The following ARHGAP12 variants were observed in gnomAD, a reference collection of about 807,000 sequenced individuals.
ARHGAP12 encodes the protein Rho GTPase activating protein 12.
In ARHGAP12, 64 loss-of-function variants were observed where a neutral mutation model predicts 108.6. That is an observed-to-expected ratio of 0.59 (90% CI 0.48 to 0.73). The LOEUF is 0.73. Ranked by LOEUF, ARHGAP12 falls within the 30% of genes least tolerant of loss-of-function variation. The pLI, the probability that ARHGAP12 is intolerant of heterozygous loss-of-function variation, is 0.00. For synonymous variants in ARHGAP12, 312 were observed against 337.2 expected (o/e 0.93, Z 0.82); for missense variants, 940 against 1,005.9 (o/e 0.93, Z 0.89).
chr10:31,914,929 T>C (rs370594646), intron 1 of ARHGAP12, among the ~76,000 whole-genome samples: 1 of 152,166 alleles, frequency 6.6e-6, no homozygotes, highest in African/African-American at 2.4e-5. Context: ...CATACACACA[T>C]ACACACAACA....
intron 13 of ARHGAP12, among the ~76,000 whole-genome samples, chr10:31,815,045 T>C (rs1359778564): frequency 1.4e-5 from 2 of 147,374 alleles, no homozygotes; most frequent in East Asian, 2.0e-4. Flanking sequence ...GGCGTGAACC[T>C]GGGAGGCAGA....
Position 31,812,768 on chromosome 10 carries a change from T to C in ARHGAP12, c.1890A>G (p.Leu630=), listed in dbSNP as rs1427558853. 2 of 1,609,660 alleles carry C rather than the reference T, an allele frequency of 1.2e-6. No homozygotes were observed. The highest frequency in any genetic ancestry group is 1.7e-6 in the Non-Finnish European group (2 of 1,178,866). The change falls in exon 15 of 20, where the codon TTA becomes TTG. Residue 630 remains leucine (L), a synonymous_variant. Transcript: ENST00000344936. ...SSEQKKTKKN[L]KKFLTRRPTL... ...TGGGGCGTCGTGTAAGAAACTTCTT[T>C]AAGTTTTTCTTGGTTTTTTTCTGTT...
intron 3 of ARHGAP12, among the ~76,000 whole-genome samples, chr10:31,873,202 G>A (rs1202553553): frequency 6.6e-6 from 1 of 152,090 alleles, no homozygotes; most frequent in Non-Finnish European, 1.5e-5. Flanking sequence ...CATATAATCA[G>A]CACGCAAATT....
chr10:31,818,644 T>C (rs962226534), intron 12 of ARHGAP12, among the ~76,000 whole-genome samples: 2 of 152,140 alleles, frequency 1.3e-5, no homozygotes, highest in Non-Finnish European at 2.9e-5. Context: ...CTGAAAAACA[T>C]AGTCCTCAAA....
intron 1 of ARHGAP12, among the ~76,000 whole-genome samples, chr10:31,914,537 A>C (rs1293293444): frequency 2.0e-5 from 3 of 152,214 alleles, no homozygotes; most frequent in Non-Finnish European, 4.4e-5. Context: ...CAATAAGTGT[A>C]AGAAAAAAAT....
In ARHGAP12 at chr10:31,906,142, C is replaced by T. The variant is rs544701291; in HGVS notation, c.684+2030G>A. Reference sequence around the variant, plus strand: ...CCATGAAGAGGCCCAACTAGCCCCACGTGAGTGAACCATCTTCAGAAGCAG... The same window carrying T: ...CCATGAAGAGGCCCAACTAGCCCCATGTGAGTGAACCATCTTCAGAAGCAG... On this transcript the variant is annotated intron_variant, in intron 3 of 19. Transcript: ENST00000344936. 8.5e-5 allele frequency among the ~76,000 whole-genome samples: 13 copies of T among 152,298 alleles called. No homozygotes were observed. The East Asian group carries it at 1.5e-3, about 18-fold the overall frequency.
At chr10:31,826,638 G>A (rs1409198675) in intron 10 of ARHGAP12, 13 of 350,846 alleles carry the variant, frequency 3.7e-5, no homozygotes, top group South Asian at 1.3e-4. Context: ...AATGAATGAC[G>A]CATGTAATTA....
intron 3 of ARHGAP12, among the ~76,000 whole-genome samples, chr10:31,889,102 G>C (rs537193119): frequency 6.6e-6 from 1 of 152,174 alleles, no homozygotes; most frequent in Admixed American, 6.5e-5. Flanking sequence ...AGTAGAGACA[G>C]GGTTTCGCCA....
At chr10:31,840,760 C>T (rs1308686893) in intron 7 of ARHGAP12, among the ~76,000 whole-genome samples, 1 of 152,030 alleles carries the variant, frequency 6.6e-6, no homozygotes, top group Non-Finnish European at 1.5e-5. Flanking sequence ...GGGTTTATAT[C>T]CCACACAATT....
intron 4 of ARHGAP12, among the ~76,000 whole-genome samples, chr10:31,859,819 G>A (rs1308823493): frequency 6.9e-6 from 1 of 145,730 alleles, no homozygotes; most frequent in African/African-American, 2.5e-5. Flanking sequence ...TTTTGAGATA[G>A]AGTCTCACTC....
chr10:31,928,073 G>A (rs1193396952), intron 1 of ARHGAP12, among the ~76,000 whole-genome samples: 2 of 152,200 alleles, frequency 1.3e-5, no homozygotes, highest in African/African-American at 4.8e-5. Flanking sequence ...CGCCCCAGGT[G>A]GATTCCCCGG....
chr10:31,865,119 C>A (rs984149752), intron 3 of ARHGAP12, among the ~76,000 whole-genome samples: 6 of 152,152 alleles, frequency 3.9e-5, no homozygotes, highest in Non-Finnish European at 8.8e-5. Flanking sequence ...AAGCAAGTAA[C>A]AGCACAGAGA....
chr10:31,862,696 GCACACACAGA>G (rs760660850), intron 3 of ARHGAP12, among the ~76,000 whole-genome samples: 10,469 of 122,102 alleles, frequency 0.086, 439 homozygotes, highest in East Asian at 0.23. Context: ...AGTGGCGCAT[GCACACACAGA>G]CACACACACA....
intron 1 of ARHGAP12, among the ~76,000 whole-genome samples, chr10:31,911,585 G>A (rs1005368900): frequency 2.0e-5 from 3 of 152,076 alleles, no homozygotes; most frequent in Non-Finnish European, 4.4e-5. Context: ...AAGTGCTGGG[G>A]CTGCAGGCGC....
intron 3 of ARHGAP12, among the ~76,000 whole-genome samples, chr10:31,894,132 GC>G (rs1838575928): frequency 6.6e-6 from 1 of 152,160 alleles, no homozygotes; most frequent in Admixed American, 6.5e-5. Context: ...CAAACCCACA[GC>G]CAATATCATA....
chr10:31,924,247 T>C (rs1228142952), intron 1 of ARHGAP12, among the ~76,000 whole-genome samples: 1 of 152,232 alleles, frequency 6.6e-6, no homozygotes, highest in Non-Finnish European at 1.5e-5. Context: ...ACAAAGGCCT[T>C]ACATGAACAT....
At chr10:31,916,857 C>T (rs988499084) in intron 1 of ARHGAP12, among the ~76,000 whole-genome samples, 10 of 151,890 alleles carry the variant, frequency 6.6e-5, no homozygotes, top group Admixed American at 3.3e-4. Flanking sequence ...CCTTGTGATC[C>T]GCCCGCCTTG....
intron 6 of ARHGAP12, among the ~76,000 whole-genome samples, chr10:31,844,866 G>A (rs1045170633): frequency 1.3e-5 from 2 of 151,872 alleles, no homozygotes; most frequent in Non-Finnish European, 2.9e-5. Flanking sequence ...GGAATATTTT[G>A]ACTCTTTATG....
At chr10:31,871,666 C>G (rs1837547550) in intron 3 of ARHGAP12, among the ~76,000 whole-genome samples, 1 of 152,220 alleles carries the variant, frequency 6.6e-6, no homozygotes, top group Admixed American at 6.5e-5. Context: ...CTCTCTGCTA[C>G]TAACCCTCAA....
Sources: gnomAD v4.1 joint callset for allele counts (sites outside exome capture counted in the v4.1 genomes callset) on GRCh38, gnomAD v4.1.1 for gene constraint, MANE v1.5 for transcripts, NCBI Gene and HGNC (gene_info 2026-07-23, HGNC 2026-07-21) for gene names.